The following DDR2 variants were observed in gnomAD, a reference collection of about 807,000 sequenced individuals.
DDR2 encodes the protein discoidin domain receptor tyrosine kinase 2, also known as discoidin domain-containing receptor 2.
Under a neutral mutation model 94.9 loss-of-function variants are expected in DDR2, and 27 were observed. The observed-to-expected ratio is 0.28, with a 90% CI of 0.21 to 0.39. The LOEUF (loss-of-function observed/expected upper bound fraction) is 0.39, where lower values mean the gene tolerates loss of function less well. Ranked by LOEUF, DDR2 falls within the 10% of genes least tolerant of loss-of-function variation. The probability of loss-of-function intolerance (pLI) is 1.00; values close to 1 mark genes in which losing one functional copy is unlikely to be tolerated. For synonymous variants in DDR2, 382 were observed against 377.2 expected, an observed-to-expected ratio of 1.01 and a Z score of -0.15; for missense variants, 783 against 1,076.0, an observed-to-expected ratio of 0.73 and a Z score of 3.81.
rs185707462 is a variant in DDR2 at position 162,748,651 on chromosome 1, G to A, written c.83-4444G>A. Among the ~76,000 whole-genome samples, 7 of 152,236 alleles carry A rather than the reference G, an allele frequency of 4.6e-5. 2 individuals are homozygous for A. The highest frequency in any genetic ancestry group is 2.6e-4 in the Admixed American group (4 of 15,280). ...ACTTGAACTCAGCTCTGCACCAAGT[G>A]GACCTAATAGACATCTACAGAACTC... On this transcript the variant is annotated intron_variant, in intron 3 of 17. Transcript: ENST00000367921.
intron 3 of DDR2, among the ~76,000 whole-genome samples, chr1:162,730,503 C>T (rs897600398): frequency 6.6e-6 from 1 of 152,166 alleles, no homozygotes; most frequent in South Asian, 2.1e-4. Context: ...GCTACTGTAA[C>T]CTATATTAAA....
At chr1:162,732,556 A>G (rs1662106273) in intron 3 of DDR2, among the ~76,000 whole-genome samples, 1 of 152,188 alleles carries the variant, frequency 6.6e-6, no homozygotes, top group African/African-American at 2.4e-5. Flanking sequence ...TAACACGGAG[A>G]CATTAGAGGG....
chr1:162,631,535 C>G (rs191102844), upstream of DDR2: 21 of 152,298 alleles, frequency 1.4e-4, no homozygotes, highest in African/African-American at 5.1e-4. Flanking sequence ...CCTGCATTCT[C>G]CATACTCACG....
chr1:162,713,243 G>A lies in DDR2; in HGVS notation c.-27-5794G>A, dbSNP rs539901694. Among the ~76,000 whole-genome samples, 3 of 152,268 alleles carry A rather than the reference G, an allele frequency of 2.0e-5. No individual in the cohort carries two copies. The East Asian group carries it at 5.8e-4, about 29-fold the overall frequency. ...TTTCCCAATACAACAAGTGATTCTT[G>A]AAGTATAGGACGTGTTCCCCCCACA... On this transcript the variant is annotated intron_variant, in intron 2 of 17. Coordinates refer to ENST00000367921, the MANE Select transcript of DDR2 (RefSeq NM_006182.4).
chr1:162,700,898 G>A lies in DDR2; in HGVS notation c.-27-18139G>A, dbSNP rs140408402. 2.2e-4 allele frequency among the ~76,000 whole-genome samples: 34 copies of A among 152,222 alleles called. No homozygotes were observed. In the East Asian group the frequency reaches 6.6e-3, roughly 29 times the overall value. On this transcript the variant is annotated intron_variant, in intron 2 of 17. Coordinates refer to ENST00000367921, the MANE Select transcript of DDR2 (RefSeq NM_006182.4). The stretch of plus-strand genomic sequence containing the variant: ...AAACTATGTGCTGTGTGATTAAACC[G>A]GTGTTTTCTTTTTTGCATTCTGTCT...
intron 2 of DDR2, among the ~76,000 whole-genome samples, chr1:162,680,514 C>A (rs1659350376): frequency 6.6e-6 from 1 of 152,142 alleles, no homozygotes; most frequent in Non-Finnish European, 1.5e-5. Flanking sequence ...TGTATCAGCA[C>A]CATGCTGTTT....
chr1:162,720,881 A>G (rs1661387589), intron 3 of DDR2, among the ~76,000 whole-genome samples: 1 of 152,158 alleles, frequency 6.6e-6, no homozygotes, highest in South Asian at 2.1e-4. Flanking sequence ...CTCCCTTCAT[A>G]AAAGTTCCAT....
At chr1:162,751,153 A>C (rs1273114289) in intron 3 of DDR2, among the ~76,000 whole-genome samples, 1 of 152,240 alleles carries the variant, frequency 6.6e-6, no homozygotes, top group Non-Finnish European at 1.5e-5. Context: ...AATGGGATCT[A>C]ATTAAACTAA....
At chr1:162,638,043 C>T (rs1166569120) in intron 1 of DDR2, among the ~76,000 whole-genome samples, 5 of 151,950 alleles carry the variant, frequency 3.3e-5, no homozygotes, top group Non-Finnish European at 2.9e-5. Context: ...TTGTTTGAGA[C>T]GGAGTCTCAC....
rs1341220578 is a variant in DDR2, at chr1:162,783,524, G to A, written c.*3278G>A. Reference sequence around the variant, plus strand: ...ACAGGGGAAGGTCAAGTCGAGCAAGGTAGAAACAGGAGTAGCTAGAGCCAT... The same window carrying A: ...ACAGGGGAAGGTCAAGTCGAGCAAGATAGAAACAGGAGTAGCTAGAGCCAT... On this transcript the variant is annotated 3_prime_UTR_variant, in exon 18 of 18. Transcript: ENST00000367921. 2 of 152,168 alleles carry A rather than the reference G, an allele frequency of 1.3e-5. No homozygotes were observed. Among genetic ancestry groups the A allele is most frequent in the African/African-American group, 2.4e-5 (1 of 41,420 alleles). 9.4% of individuals were successfully genotyped at this position (152,168 alleles called of 1,614,324 possible). A position where few individuals can be genotyped will look rare whatever the true frequency, so the allele number is the denominator to read the frequency against.
chr1:162,734,634 G>C (rs1220991925), intron 3 of DDR2, among the ~76,000 whole-genome samples: 2 of 152,184 alleles, frequency 1.3e-5, no homozygotes, highest in Non-Finnish European at 2.9e-5. Flanking sequence ...GCAGGAGCTA[G>C]TGAGTGAAGG....
rs746630159 is a variant in DDR2 at position 162,759,972 on chromosome 1, C to T, written c.848C>T (p.Thr283Ile). 6.2e-7 allele frequency: 1 copy of T among 1,614,074 alleles called. No homozygotes were observed. The highest frequency in any genetic ancestry group is 1.1e-5 in the South Asian group (1 of 91,076). The part of the protein sequence containing the change: ...FEFDRIRNFT[T>I]MKVHCNNMFA... ...TTTGACCGCATCAGGAATTTCACTA[C>T]CATGAAGGTCAGTGGGGTCGGGTGT... The change falls in exon 8 of 18, where the codon ACC becomes ATC. Residue 283 changes from threonine (T) to isoleucine (I), a missense_variant. By Grantham distance (89) the Thr-to-Ile change is moderately conservative. Transcript: ENST00000367921.
At chr1:162,764,411 A>AAG (rs1663896832) in intron 9 of DDR2, among the ~76,000 whole-genome samples, 1 of 149,844 alleles carries the variant, frequency 6.7e-6, no homozygotes, top group Admixed American at 6.6e-5. Context: ...AAAAAAAAAA[A>AAG]GAAATGTCCA....
intron 1 of DDR2, among the ~76,000 whole-genome samples, chr1:162,635,542 C>T (rs879265423): frequency 1.6e-4 from 24 of 152,122 alleles, no homozygotes; most frequent in Non-Finnish European, 2.9e-4. Flanking sequence ...GTGACCTGTC[C>T]GCAACACAGA....
chr1:162,756,467 T>C (rs957013190), intron 7 of DDR2, among the ~76,000 whole-genome samples: 1 of 152,234 alleles, frequency 6.6e-6, no homozygotes, highest in African/African-American at 2.4e-5. Flanking sequence ...TGCTCCCACC[T>C]ATACTGTTTC....
intron 2 of DDR2, among the ~76,000 whole-genome samples, chr1:162,710,709 C>T (rs1441715062): frequency 1.3e-5 from 2 of 152,038 alleles, no homozygotes; most frequent in Admixed American, 6.6e-5. Flanking sequence ...GTGTTCTTCT[C>T]CCCACCAAAT....
intron 2 of DDR2, among the ~76,000 whole-genome samples, chr1:162,708,544 C>T (rs10917589): frequency 0.14 from 20,709 of 152,124 alleles, 2,099 homozygotes; most frequent in African/African-American, 0.25. Flanking sequence ...CTCTCACTCA[C>T]GGTATTGATC....
At chr1:162,752,981 A>T (rs1463822418) in intron 3 of DDR2, 114 bp from the exon 4 acceptor site, 1 of 900,518 alleles carries the variant, frequency 1.1e-6, no homozygotes, top group Non-Finnish European at 1.8e-6. Flanking sequence ...GGAATTTAGG[A>T]AGATGTAAAT....
chr1:162,653,937 T>C (rs2101906926), intron 1 of DDR2, among the ~76,000 whole-genome samples: 1 of 152,230 alleles, frequency 6.6e-6, no homozygotes. Flanking sequence ...TATCCTTCAC[T>C]AAAGAAATGG....
Sources: gnomAD v4.1 joint callset for allele counts (sites outside exome capture counted in the v4.1 genomes callset) on GRCh38, gnomAD v4.1.1 for gene constraint, MANE v1.5 for transcripts, NCBI Gene and HGNC (gene_info 2026-07-23, HGNC 2026-07-21) for gene names.